The following CAMKV variants were observed in gnomAD, a reference collection of about 807,000 sequenced individuals.
CAMKV encodes caM kinase-like vesicle-associated protein.
In CAMKV, 5 loss-of-function variants were observed where a neutral mutation model predicts 50.2. The ratio of observed to expected loss-of-function variants is 0.10; its 90% CI spans 0.05 to 0.21. CAMKV has a LOEUF of 0.21. Among genes scored for constraint, CAMKV ranks in the 10% least tolerant of loss-of-function variants. The probability of loss-of-function intolerance (pLI) is 1.00; values close to 1 mark genes in which losing one functional copy is unlikely to be tolerated. For missense variants in CAMKV, 361 were observed against 650.5 expected, an observed-to-expected ratio of 0.55 and a Z score of 4.84; for synonymous variants, 229 against 250.1, an observed-to-expected ratio of 0.92 and a Z score of 0.80.
chr3:49,861,683 G>A lies in CAMKV; in HGVS notation c.303-106C>T. The A allele has an allele frequency of 6.3e-7, 1 of 1,594,022 alleles. No individual in the cohort carries two copies. Among genetic ancestry groups the A allele is most frequent in the Non-Finnish European group, 8.6e-7 (1 of 1,164,478 alleles). The stretch of plus-strand genomic sequence containing the variant: ...GGCAGCTGGCTGAGCAAGGCACAGG[G>A]ACCTGGGACGCCAAGGGTCCAGAAA... On this transcript the variant is annotated intron_variant, in intron 4 of 10. Transcript: ENST00000477224. This position sits in a 1 kb window ranked among gnomAD's most constrained non-coding sequence, Gnocchi z 7.7.
chr3:49,861,145 A>G lies in CAMKV; in HGVS notation c.562+35T>C, dbSNP rs1404717651. 7 of 1,562,548 alleles carry G rather than the reference A, an allele frequency of 4.5e-6. No homozygotes were observed. Among genetic ancestry groups the G allele is most frequent in the Admixed American group, 3.6e-5 (2 of 55,618 alleles). Reference sequence around the variant, plus strand: ...AGCAGCTCCCTGAAGGCTGCCCCCCATTATCCCCCTGCCCCTGCCCCACCC... The same window carrying G: ...AGCAGCTCCCTGAAGGCTGCCCCCCGTTATCCCCCTGCCCCTGCCCCACCC... On this transcript the variant is annotated intron_variant, in intron 6 of 10. Transcript: ENST00000477224. This position sits in a 1 kb window ranked among gnomAD's most constrained non-coding sequence, Gnocchi z 7.7.
chr3:49,858,414 G>A lies in CAMKV; in HGVS notation c.*904C>T. ...AAGCCCCCTAGGGTGGAGAGGACTT[G>A]TGGGCTGAGATTGTAGGAGGTGGGC... On this transcript the variant is annotated 3_prime_UTR_variant, in exon 11 of 11. Transcript: ENST00000477224. The A allele has an allele frequency of 5.0e-6, 2 of 398,396 alleles. No homozygotes were observed. Among genetic ancestry groups the A allele is most frequent in the Admixed American group, 8.8e-5 (2 of 22,736 alleles). The allele number at this position is 398,396 out of a possible 1,614,324, so 24.7% of individuals were successfully genotyped here.
intron 1 of CAMKV, among the ~76,000 whole-genome samples, chr3:49,866,014 G>C (rs2082062235): frequency 6.6e-6 from 1 of 152,210 alleles, no homozygotes; most frequent in Non-Finnish European, 1.5e-5. Context: ...TCAGCCTGGA[G>C]CCATGTCCTG....
Position 49,861,624 on chromosome 3 carries a change from A to C in CAMKV, c.303-47T>G, listed in dbSNP as rs1202605295. ...GCCTGGCGTGGGCAGAATCAGGGGT[A>C]GGGCAGGAGCACTTGGGTGAGCTGC... On this transcript the variant is annotated intron_variant, in intron 4 of 10. Coordinates refer to ENST00000477224, the MANE Select transcript of CAMKV (RefSeq NM_024046.5). The surrounding 1 kb of genome is among the most constrained non-coding windows in gnomAD (Gnocchi z 7.7). 6.2e-7 allele frequency: 1 copy of C among 1,613,164 alleles called. No individual in the cohort carries two copies. The highest frequency in any genetic ancestry group is 1.1e-5 in the South Asian group (1 of 91,052).
At position 49,859,651 on chromosome 3, in the gene CAMKV, A is replaced by G. The variant is rs934957635; in HGVS notation, c.1173T>C (p.Asp391=). 1.2e-6 allele frequency: 2 copies of G among 1,613,806 alleles called. No individual in the cohort carries two copies. Among genetic ancestry groups the G allele is most frequent in the Admixed American group, 3.3e-5 (2 of 59,992 alleles). The part of the protein sequence containing the change: ...PADRSATPAT[D]GSATPATDGS... ...CATCAGTGGCTGGGGTGGCACTTCCATCTGTGGCTGGGGTGGCACTACGGT... is the reference window on the plus strand; with the variant it reads ...CATCAGTGGCTGGGGTGGCACTTCCGTCTGTGGCTGGGGTGGCACTACGGT... The change falls in exon 11 of 11, where the codon GAT becomes GAC. Residue 391 remains aspartate, a synonymous_variant. Transcript: ENST00000477224. The surrounding 1 kb of genome is among the most constrained non-coding windows in gnomAD (Gnocchi z 5.5).
At chr3:49,866,038 G>A (rs1209722712) in intron 1 of CAMKV, among the ~76,000 whole-genome samples, 1 of 152,220 alleles carries the variant, frequency 6.6e-6, no homozygotes. Flanking sequence ...CCTCAAGGCT[G>A]AGATGGGAAC....
intron 1 of CAMKV, chr3:49,863,564 A>G (rs1196318247): frequency 6.6e-6 from 1 of 152,184 alleles, no homozygotes; most frequent in Non-Finnish European, 1.5e-5. Flanking sequence ...CTTAGTGTAG[A>G]CACCCAACTG....
At position 49,860,621 on chromosome 3, in the gene CAMKV, G is replaced by A; in HGVS notation, c.776-72C>T. The A allele has an allele frequency of 6.2e-7, 1 of 1,610,976 alleles. No homozygotes were observed. The stretch of plus-strand genomic sequence containing the variant: ...ATGTCTAGAGGTGATAAATGGGCTG[G>A]GGGACAGAAGCAGAATACCACAGAG... On this transcript the variant is annotated intron_variant, in intron 8 of 10. Coordinates refer to ENST00000477224, the MANE Select transcript of CAMKV (RefSeq NM_024046.5). This position sits in a 1 kb window ranked among gnomAD's most constrained non-coding sequence, Gnocchi z 6.1.
At chr3:49,864,610 C>T (rs867728912) in intron 1 of CAMKV, among the ~76,000 whole-genome samples, 5 of 152,178 alleles carry the variant, frequency 3.3e-5, no homozygotes, top group Admixed American at 1.3e-4. Context: ...ACAGATCTGA[C>T]GCCAGGGTGT....
rs988022741 is a variant in CAMKV, at chr3:49,869,445, G to A, written c.-15+313C>T. Among the ~76,000 whole-genome samples the A allele has an allele frequency of 6.6e-6, 1 of 152,208 alleles. No homozygotes were observed. Among genetic ancestry groups the A allele is most frequent in the Admixed American group, 6.5e-5 (1 of 15,286 alleles). ...CTGGAGGCGGCTCTGGGAACGGGGAGGGACGGCTCAGCTCTCGGCCCCTAT... is the reference window on the plus strand; with the variant it reads ...CTGGAGGCGGCTCTGGGAACGGGGAAGGACGGCTCAGCTCTCGGCCCCTAT... On this transcript the variant is annotated intron_variant, in intron 1 of 10. Coordinates refer to ENST00000477224, the MANE Select transcript of CAMKV (RefSeq NM_024046.5). This position sits in a 1 kb window ranked among gnomAD's most constrained non-coding sequence, Gnocchi z 5.2.
In CAMKV at chr3:49,861,535, G is replaced by A; in HGVS notation, c.345C>T (p.Gly115=). The change falls in exon 5 of 11, where the codon GGC becomes GGT. Residue 115 remains glycine (G), a synonymous_variant. Coordinates refer to ENST00000477224, the MANE Select transcript of CAMKV (RefSeq NM_024046.5). This position sits in a 1 kb window ranked among gnomAD's most constrained non-coding sequence, Gnocchi z 7.7. ...REVFDWILDQ[G]YYSERDTSNV... is the part of the protein sequence containing the mutation. ...TGCTTGTGTCTCGCTCCGAGTAGTAGCCCTGGTCCAGGATCCAGTCAAACA... is the reference window on the plus strand; with the variant it reads ...TGCTTGTGTCTCGCTCCGAGTAGTAACCCTGGTCCAGGATCCAGTCAAACA... The A allele has an allele frequency of 6.2e-7, 1 of 1,614,150 alleles. No individual in the cohort carries two copies. Among genetic ancestry groups the A allele is most frequent in the Non-Finnish European group, 8.5e-7 (1 of 1,180,026 alleles).
chr3:49,867,635 T>A (rs1232287663), intron 1 of CAMKV, among the ~76,000 whole-genome samples: 1 of 152,098 alleles, frequency 6.6e-6, no homozygotes, highest in African/African-American at 2.4e-5. Context: ...GGGAGATGTG[T>A]TGGTCAGGTC....
At position 49,861,300 on chromosome 3, in the gene CAMKV, G is replaced by A; in HGVS notation, c.442C>T (p.Leu148=). The A allele has an allele frequency of 1.2e-6, 2 of 1,614,098 alleles. No homozygotes were observed. Among genetic ancestry groups the A allele is most frequent in the Non-Finnish European group, 1.7e-6 (2 of 1,180,024 alleles). ...CGGTTGTAGTAAACCAGGTTCTCCA[G>A]CTGTGGTGTGAGAATAGCATGTGGG... The part of the protein sequence containing the change: ...SLKIVHRNLK[L]ENLVYYNRLK... The change falls in exon 6 of 11, where the codon CTG becomes TTG. Residue 148 remains leucine, a splice_region_variant and synonymous_variant. Transcript: ENST00000477224. This position sits in a 1 kb window ranked among gnomAD's most constrained non-coding sequence, Gnocchi z 7.7.
In CAMKV at chr3:49,858,102, C is replaced by T. The variant is rs1394820531; in HGVS notation, c.*1216G>A. ...TGCAGGGAGAAGGGCAGGACCACCA[C>T]GGAGTGCCGAGCAAGGGCGAGGACC... On this transcript the variant is annotated 3_prime_UTR_variant, in exon 11 of 11. Coordinates refer to ENST00000477224, the MANE Select transcript of CAMKV (RefSeq NM_024046.5). 2.5e-6 allele frequency: 1 copy of T among 396,310 alleles called. No homozygotes were observed. Among genetic ancestry groups the T allele is most frequent in the East Asian group, 3.6e-5 (1 of 27,972 alleles). 24.5% of individuals were successfully genotyped at this position (396,310 alleles called of 1,614,324 possible).
chr3:49,862,882 A>T lies in CAMKV; in HGVS notation c.-14-480T>A, dbSNP rs2082033917. On this transcript the variant is annotated intron_variant, in intron 1 of 10. Coordinates refer to ENST00000477224, the MANE Select transcript of CAMKV (RefSeq NM_024046.5). This position sits in a 1 kb window ranked among gnomAD's most constrained non-coding sequence, Gnocchi z 5.2. ...GTAAAACCACTAAAGTCAAACAAACATACCCTATGAACCAGCAATTGCACT... is the reference window on the plus strand; with the variant it reads ...GTAAAACCACTAAAGTCAAACAAACTTACCCTATGAACCAGCAATTGCACT... 6.6e-6 allele frequency among the ~76,000 whole-genome samples: 1 copy of T among 152,236 alleles called. No homozygotes were observed. The highest frequency in any genetic ancestry group is 2.4e-5 in the African/African-American group (1 of 41,456).
chr3:49,864,679 T>C (rs2082050271), intron 1 of CAMKV, among the ~76,000 whole-genome samples: 1 of 152,230 alleles, frequency 6.6e-6, no homozygotes, highest in South Asian at 2.1e-4. Context: ...GCACTGAGGC[T>C]GCGCTGAAAT....
rs752306462 is a variant in CAMKV at position 49,861,174 on chromosome 3, G to A, written c.562+6C>T. The stretch of plus-strand genomic sequence containing the variant: ...TCCCCCTGCCCCTGCCCCACCCCCT[G>A]CTTGCCCAGATACTCGGGGGTCCCA... On this transcript the variant is annotated splice_donor_region_variant and intron_variant, in intron 6 of 10. Coordinates refer to ENST00000477224, the MANE Select transcript of CAMKV (RefSeq NM_024046.5). The surrounding 1 kb of genome is among the most constrained non-coding windows in gnomAD (Gnocchi z 7.7). The A allele has an allele frequency of 1.2e-6, 2 of 1,610,984 alleles. No homozygotes were observed. Among genetic ancestry groups the A allele is most frequent in the Non-Finnish European group, 1.7e-6 (2 of 1,179,100 alleles).
rs907476489 is a variant in CAMKV, at chr3:49,859,062, T to C, written c.*256A>G. 4 of 424,080 alleles carry C rather than the reference T, an allele frequency of 9.4e-6. No homozygotes were observed. Among genetic ancestry groups the C allele is most frequent in the African/African-American group, 5.9e-5 (3 of 50,820 alleles). 26.3% of individuals were successfully genotyped at this position (424,080 alleles called of 1,614,324 possible). A position where few individuals can be genotyped will look rare whatever the true frequency, so the allele number is the denominator to read the frequency against. Reference sequence around the variant, plus strand: ...CACAAGGAACAGAAACTGGTGAAGCTAGCAAAAGACAGAAAAGCCACAAGG... The same window carrying C: ...CACAAGGAACAGAAACTGGTGAAGCCAGCAAAAGACAGAAAAGCCACAAGG... On this transcript the variant is annotated 3_prime_UTR_variant, in exon 11 of 11. Coordinates refer to ENST00000477224, the MANE Select transcript of CAMKV (RefSeq NM_024046.5). The surrounding 1 kb of genome is among the most constrained non-coding windows in gnomAD (Gnocchi z 5.5).
chr3:49,863,277 T>C (rs1284733192), intron 1 of CAMKV: 1 of 152,274 alleles, frequency 6.6e-6, no homozygotes, highest in Admixed American at 6.5e-5. Context: ...TGGTCCCTTC[T>C]AAGAGAAAAG....
Sources: allele counts gnomAD v4.1 joint callset (sites outside exome capture counted in the v4.1 genomes callset), GRCh38; gene constraint gnomAD v4.1.1; non-coding constraint Gnocchi (gnomAD v3.1); transcripts MANE v1.5; gene names NCBI Gene and HGNC (gene_info 2026-07-23, HGNC 2026-07-21).